Variants in CSNK2A2IP observed in about 807,000 individuals in gnomAD.
CSNK2A2IP encodes casein kinase 2 subunit alpha' interacting protein.
the CSNK2A2IP span, among the ~76,000 whole-genome samples, chr3:88,463,824 AT>A: frequency 6.6e-6 from 1 of 152,112 alleles, no homozygotes; most frequent in Non-Finnish European, 1.5e-5. Flanking sequence ...AGGATTATAA[AT>A]CATGCTGCTA....
the CSNK2A2IP span, among the ~76,000 whole-genome samples, chr3:88,385,738 A>T: frequency 6.6e-6 from 1 of 152,228 alleles, no homozygotes; most frequent in Non-Finnish European, 1.5e-5. Flanking sequence ...CTGTGGCTTT[A>T]GCTGACTTAC....
chr3:88,438,640 T>A, the CSNK2A2IP span, among the ~76,000 whole-genome samples: 1 of 152,176 alleles, frequency 6.6e-6, no homozygotes, highest in Non-Finnish European at 1.5e-5. Flanking sequence ...ACCAGGCTTC[T>A]CCACTAATTC....
chr3:88,342,495 C>T, the CSNK2A2IP span, among the ~76,000 whole-genome samples: 1 of 151,926 alleles, frequency 6.6e-6, no homozygotes, highest in African/African-American at 2.4e-5. Flanking sequence ...CTTCCTCCAC[C>T]ATGTGGCTGT....
chr3:88,346,310 C>G, the CSNK2A2IP span, among the ~76,000 whole-genome samples: 4 of 151,992 alleles, frequency 2.6e-5, no homozygotes, highest in African/African-American at 9.7e-5. Flanking sequence ...TGGCTAAGAT[C>G]ACTGATGAAT....
At chr3:88,418,992 T>A in the CSNK2A2IP span, among the ~76,000 whole-genome samples, 3 of 152,210 alleles carry the variant, frequency 2.0e-5, no homozygotes, top group African/African-American at 7.2e-5. Context: ...GAACTGTGCA[T>A]GTAGGGGATC....
chr3:88,374,439 T>G, the CSNK2A2IP span, among the ~76,000 whole-genome samples: 1 of 151,748 alleles, frequency 6.6e-6, no homozygotes, highest in East Asian at 1.9e-4. Context: ...AAACAAATTT[T>G]ACCAAGGAAC....
the CSNK2A2IP span, chr3:88,466,066 A>T: frequency 4.9e-6 from 6 of 1,231,652 alleles, no homozygotes; most frequent in Non-Finnish European, 6.1e-6. Context: ...ATTGCAGCGC[A>T]ATCAAAGATC....
At chr3:88,435,174 C>A in the CSNK2A2IP span, among the ~76,000 whole-genome samples, 1 of 152,128 alleles carries the variant, frequency 6.6e-6, no homozygotes, top group African/African-American at 2.4e-5. Context: ...GTGAAATATT[C>A]CCCATATTGT....
chr3:88,365,957 A>G, the CSNK2A2IP span, among the ~76,000 whole-genome samples: 1 of 152,116 alleles, frequency 6.6e-6, no homozygotes, highest in African/African-American at 2.4e-5. Flanking sequence ...TTATTTACTT[A>G]AATTTTCTGA....
chr3:88,435,345 A>C, the CSNK2A2IP span, among the ~76,000 whole-genome samples: 1 of 152,296 alleles, frequency 6.6e-6, no homozygotes, highest in South Asian at 2.1e-4. Context: ...GATTATGGCC[A>C]GGAAAATATG....
chr3:88,437,898 T>G, the CSNK2A2IP span, among the ~76,000 whole-genome samples: 1 of 152,194 alleles, frequency 6.6e-6, no homozygotes, highest in Non-Finnish European at 1.5e-5. Flanking sequence ...GTGTTAATTT[T>G]TATTTATCCT....
the CSNK2A2IP span, among the ~76,000 whole-genome samples, chr3:88,341,902 GT>G: frequency 6.6e-6 from 1 of 151,904 alleles, no homozygotes; most frequent in Admixed American, 6.6e-5. Flanking sequence ...ATATTGATGT[GT>G]TTTTACTTAG....
chr3:88,387,447 G>T, the CSNK2A2IP span, among the ~76,000 whole-genome samples: 1 of 152,072 alleles, frequency 6.6e-6, no homozygotes, highest in Admixed American at 6.6e-5. Flanking sequence ...GGGATTACAG[G>T]CATGAGCTAC....
the CSNK2A2IP span, among the ~76,000 whole-genome samples, chr3:88,438,159 A>AT: frequency 5.3e-5 from 8 of 152,174 alleles, no homozygotes; most frequent in African/African-American, 1.7e-4. Flanking sequence ...TAATTTACTT[A>AT]TTGTCAACTT....
the CSNK2A2IP span, among the ~76,000 whole-genome samples, chr3:88,389,676 G>A: frequency 2.6e-5 from 4 of 152,260 alleles, no homozygotes; most frequent in African/African-American, 7.2e-5. Context: ...GGAGCTTCTC[G>A]TGGCTTGCAC....
chr3:88,417,356 G>T, the CSNK2A2IP span, among the ~76,000 whole-genome samples: 1 of 152,146 alleles, frequency 6.6e-6, no homozygotes, highest in Non-Finnish European at 1.5e-5. Flanking sequence ...GGAGCTGGAA[G>T]GGCAGGCATT....
chr3:88,443,046 A>G, the CSNK2A2IP span, among the ~76,000 whole-genome samples: 1 of 152,152 alleles, frequency 6.6e-6, no homozygotes, highest in Non-Finnish European at 1.5e-5. Flanking sequence ...AATAATGCTA[A>G]AATCCAAATT....
the CSNK2A2IP span, among the ~76,000 whole-genome samples, chr3:88,461,847 C>G: frequency 6.6e-6 from 1 of 152,000 alleles, no homozygotes; most frequent in Non-Finnish European, 1.5e-5. Flanking sequence ...CTCACTGCAG[C>G]CTCCATTCCC....
chr3:88,406,991 G>A, the CSNK2A2IP span, among the ~76,000 whole-genome samples: 6 of 152,094 alleles, frequency 3.9e-5, no homozygotes, highest in African/African-American at 1.4e-4. Context: ...AAATTGCCCA[G>A]GCAATTGCTT....
Sources: gnomAD v4.1 joint callset for allele counts (sites outside exome capture counted in the v4.1 genomes callset) on GRCh38, gnomAD v4.1.1 for gene constraint, MANE v1.5 for transcripts, NCBI Gene and HGNC (gene_info 2026-07-23, HGNC 2026-07-21) for gene names.